The following DCLK1 variants were observed in gnomAD, a reference collection of about 807,000 sequenced individuals.
DCLK1 encodes serine/threonine-protein kinase DCLK1.
Under a neutral mutation model 86.2 loss-of-function variants are expected in DCLK1, and 16 were observed. The observed-to-expected ratio is 0.19, with a 90% confidence interval of 0.13 to 0.28. The LOEUF (loss-of-function observed/expected upper bound fraction) is 0.28, where lower values mean the gene tolerates loss of function less well. DCLK1 is among the 10% of genes least tolerant of loss of function. The pLI is 1.00. For missense variants in DCLK1, 590 were observed against 940.2 expected (o/e 0.63, Z 4.87); for synonymous variants, 369 against 370.5 (o/e 1.00, Z 0.05).
At chr13:35,885,640 T>C (rs1157049787) in intron 4 of DCLK1, among the ~76,000 whole-genome samples, 1 of 152,158 alleles carries the variant, frequency 6.6e-6, no homozygotes, top group East Asian at 1.9e-4. Context: ...TTTCAGGGAA[T>C]TGATGGGTAG....
chr13:35,806,659 TAACTTG>T (rs1191664970), intron 14 of DCLK1, among the ~76,000 whole-genome samples: 2 of 152,230 alleles, frequency 1.3e-5, no homozygotes, highest in East Asian at 3.8e-4. Context: ...ATTCAGTTTC[TAACTTG>T]GATCAGAACT....
intron 2 of DCLK1, among the ~76,000 whole-genome samples, chr13:36,114,217 T>G (rs889217084): frequency 2.0e-5 from 3 of 152,254 alleles, no homozygotes; most frequent in Admixed American, 6.5e-5. Flanking sequence ...TAAAAATATC[T>G]TCTTAGATAA....
intron 4 of DCLK1, among the ~76,000 whole-genome samples, chr13:35,876,834 G>A (rs748133263): frequency 5.3e-5 from 8 of 152,146 alleles, no homozygotes; most frequent in Non-Finnish European, 1.2e-4. Context: ...TAAGAGGACT[G>A]TATTTCCTTT....
intron 3 of DCLK1, among the ~76,000 whole-genome samples, chr13:36,020,249 A>G (rs1399808201): frequency 6.6e-6 from 1 of 152,194 alleles, no homozygotes; most frequent in East Asian, 1.9e-4. Flanking sequence ...TTGTAGTAAT[A>G]CAAATGGATT....
intron 3 of DCLK1, among the ~76,000 whole-genome samples, chr13:35,991,754 T>G (rs971987185): frequency 6.6e-6 from 1 of 152,168 alleles, no homozygotes; most frequent in Non-Finnish European, 1.5e-5. Context: ...GCTGTGAACC[T>G]AGGATGGAAG....
chr13:35,909,751 T>A (rs949337141), intron 4 of DCLK1, among the ~76,000 whole-genome samples: 1 of 151,914 alleles, frequency 6.6e-6, no homozygotes, highest in Non-Finnish European at 1.5e-5. Flanking sequence ...TATTGACAGA[T>A]TCAGGGGACA....
intron 4 of DCLK1, among the ~76,000 whole-genome samples, chr13:35,873,162 G>A (rs1400192056): frequency 6.6e-6 from 1 of 151,990 alleles, no homozygotes; most frequent in Non-Finnish European, 1.5e-5. Context: ...GCCGGGTATG[G>A]TGGTGGGCGC....
At chr13:35,856,896 G>C (rs1871093058) in intron 5 of DCLK1, among the ~76,000 whole-genome samples, 1 of 152,176 alleles carries the variant, frequency 6.6e-6, no homozygotes, top group Non-Finnish European at 1.5e-5. Flanking sequence ...TGAGGAAATT[G>C]AGGCTTACAG....
intron 3 of DCLK1, among the ~76,000 whole-genome samples, chr13:35,947,790 T>A (rs1021481916): frequency 2.0e-5 from 3 of 152,220 alleles, no homozygotes; most frequent in African/African-American, 7.2e-5. Context: ...TGTAATACTC[T>A]TTGATAGCAA....
intron 3 of DCLK1, among the ~76,000 whole-genome samples, chr13:36,047,220 C>T (rs953431467): frequency 6.6e-6 from 1 of 152,182 alleles, no homozygotes; most frequent in African/African-American, 2.4e-5. Flanking sequence ...ACCCCTTGTA[C>T]ACTGTTGGTG....
chr13:36,056,967 G>T (rs1292114726), intron 3 of DCLK1, among the ~76,000 whole-genome samples: 1 of 147,908 alleles, frequency 6.8e-6, no homozygotes, highest in East Asian at 2.0e-4. Context: ...TACACAAATG[G>T]CATTATATTA....
chr13:35,842,061 T>C (rs1869836816), intron 6 of DCLK1, among the ~76,000 whole-genome samples: 1 of 150,588 alleles, frequency 6.6e-6, no homozygotes, highest in Non-Finnish European at 1.5e-5. Context: ...GTTCTCCTGC[T>C]AAAAATACAA....
intron 3 of DCLK1, among the ~76,000 whole-genome samples, chr13:35,999,691 A>G (rs1880627501): frequency 6.6e-6 from 1 of 152,194 alleles, no homozygotes; most frequent in Admixed American, 6.5e-5. Flanking sequence ...ATTTAAAAAT[A>G]GCAATATTAA....
At chr13:35,940,291 C>CAAA (rs35613029) in intron 4 of DCLK1, among the ~76,000 whole-genome samples, 1 of 123,230 alleles carries the variant, frequency 8.1e-6, no homozygotes, top group Admixed American at 8.7e-5. Flanking sequence ...GAGTCCGTCT[C>CAAA]AAAAAAAAAA....
chr13:35,777,642 C>T (rs2086446403), intron 16 of DCLK1, among the ~76,000 whole-genome samples: 2 of 152,098 alleles, frequency 1.3e-5, no homozygotes, highest in Admixed American at 6.5e-5. Flanking sequence ...TACACAATCC[C>T]GTGTACACAT....
chr13:35,894,739 G>A (rs759405003), intron 4 of DCLK1, among the ~76,000 whole-genome samples: 8 of 152,140 alleles, frequency 5.3e-5, no homozygotes, highest in East Asian at 3.9e-4. Context: ...TCCTGAGCCC[G>A]CCATTAATGT....
At chr13:35,799,248 T>G (rs1224797082) in intron 15 of DCLK1, among the ~76,000 whole-genome samples, 1 of 131,690 alleles carries the variant, frequency 7.6e-6, no homozygotes, top group South Asian at 2.3e-4. Context: ...TGAGCCTCAG[T>G]TGTTTTTTTT....
At chr13:36,031,799 G>T (rs187108699) in intron 3 of DCLK1, among the ~76,000 whole-genome samples, 70 of 152,290 alleles carry the variant, frequency 4.6e-4, no homozygotes, top group Admixed American at 1.7e-3. Flanking sequence ...TCATGTCAGC[G>T]CAGGAGGAAC....
At chr13:36,060,756 T>C (rs2153159175) in intron 3 of DCLK1, among the ~76,000 whole-genome samples, 1 of 152,248 alleles carries the variant, frequency 6.6e-6, no homozygotes, top group Non-Finnish European at 1.5e-5. Flanking sequence ...TTTAGTAACA[T>C]AAACTGCTAA....
Sources: gnomAD v4.1 joint callset for allele counts (sites outside exome capture counted in the v4.1 genomes callset) on GRCh38, gnomAD v4.1.1 for gene constraint, MANE v1.5 for transcripts, NCBI Gene and HGNC (gene_info 2026-07-23, HGNC 2026-07-21) for gene names.